MTAP: variants seen among roughly 807,000 people sequenced by gnomAD.
MTAP encodes methylthioadenosine phosphorylase.
MTAP carries 33 observed loss-of-function variants against 33.6 expected under a neutral mutation model. The observed-to-expected ratio is 0.98, with a 90% CI of 0.74 to 1.31. The LOEUF (loss-of-function observed/expected upper bound fraction) is 1.31, where lower values mean the gene tolerates loss of function less well. Ranked by LOEUF, MTAP falls within the 40% of genes most tolerant of loss-of-function variation. The pLI is 0.00. For synonymous variants in MTAP, 148 were observed against 125.7 expected, an observed-to-expected ratio of 1.18 and a Z score of -1.19; for missense variants, 367 against 360.0, an observed-to-expected ratio of 1.02 and a Z score of -0.16.
chr9:21,870,905 G>C (rs747936026), downstream of MTAP, among the ~76,000 whole-genome samples: 1 of 151,330 alleles, frequency 6.6e-6, no homozygotes, highest in African/African-American at 2.4e-5. Context: ...CAAGTAGCTG[G>C]GATTACAGGT....
rs573401290 is a variant in MTAP, at chr9:21,855,699, CCAAAA to C, written c.690+846_690+850del. 8.5e-5 allele frequency among the ~76,000 whole-genome samples: 13 copies of C among 152,130 alleles called. 1 individual carries two copies. The South Asian group carries it at 2.5e-3, about 29-fold the overall frequency. The stretch of plus-strand genomic sequence containing the variant: ...GACACTGGAACAATGAGGTCAGCTT[CCAAAA>C]CAAAACAAAACAAAACTTTAAACAT... On this transcript the variant is annotated intron_variant, in intron 6 of 7. Transcript: ENST00000644715.
intron 4 of MTAP, among the ~76,000 whole-genome samples, chr9:21,824,611 A>G (rs540279708): frequency 4.6e-5 from 7 of 152,332 alleles, no homozygotes; most frequent in Admixed American, 4.6e-4. Flanking sequence ...TGGGAGAACC[A>G]CTACTCTCTT....
chr9:21,832,476 C>G (rs1824992970), intron 4 of MTAP, among the ~76,000 whole-genome samples: 1 of 152,208 alleles, frequency 6.6e-6, no homozygotes, highest in Non-Finnish European at 1.5e-5. Context: ...CTTCTTCTTA[C>G]TCATTTCCCT....
intron 1 of MTAP, chr9:21,803,247 CG>C (rs1321288225): frequency 2.5e-4 from 75 of 299,688 alleles, no homozygotes; most frequent in Non-Finnish European, 2.2e-4. Context: ...CTCCAGCTTC[CG>C]CTCTCTGACT....
At chr9:21,939,735 T>C (rs1819104789), downstream of MTAP, among the ~76,000 whole-genome samples, 1 of 150,214 alleles carries the variant, frequency 6.7e-6, no homozygotes. Flanking sequence ...ATACAAAAAT[T>C]AACTAGGTAT....
chr9:21,830,526 G>A (rs534199656), intron 4 of MTAP, among the ~76,000 whole-genome samples: 20 of 152,292 alleles, frequency 1.3e-4, no homozygotes, highest in African/African-American at 3.8e-4. Flanking sequence ...TCTTTGCAGC[G>A]ATTAAACAGT....
intron 3 of MTAP, 55 bp downstream of exon 3, chr9:21,816,827 C>G (rs1244451121): frequency 4.1e-6 from 6 of 1,462,118 alleles, no homozygotes; most frequent in Non-Finnish European, 5.7e-6. Flanking sequence ...TTAAATTTAA[C>G]TTAAATTCTG....
chr9:21,909,528 G>A (rs1818533891), intron 1 of MTAP, among the ~76,000 whole-genome samples: 1 of 152,068 alleles, frequency 6.6e-6, no homozygotes, highest in African/African-American at 2.4e-5. Flanking sequence ...AAACATGCTT[G>A]ATATGTAGTG....
At chr9:21,840,201 G>A (rs995001373) in intron 5 of MTAP, among the ~76,000 whole-genome samples, 1 of 151,866 alleles carries the variant, frequency 6.6e-6, no homozygotes, top group Non-Finnish European at 1.5e-5. Flanking sequence ...ACTCCAGCCT[G>A]GGTGACAGAG....
chr9:21,904,491 C>G (rs1428050785), intron 1 of MTAP, among the ~76,000 whole-genome samples: 2 of 152,112 alleles, frequency 1.3e-5, no homozygotes, highest in Non-Finnish European at 2.9e-5. Flanking sequence ...ATAGTATCAT[C>G]AAAAACCACT....
chr9:21,924,484 G>A (rs1459048335), intron 1 of MTAP, among the ~76,000 whole-genome samples: 1 of 152,210 alleles, frequency 6.6e-6, no homozygotes, highest in African/African-American at 2.4e-5. Flanking sequence ...TTTGCCACTA[G>A]CAGGGAAAAT....
chr9:21,820,931 G>C (rs527774254), intron 4 of MTAP, among the ~76,000 whole-genome samples: 2 of 152,306 alleles, frequency 1.3e-5, no homozygotes, highest in African/African-American at 4.8e-5. Context: ...CTGTTTGTCT[G>C]TTATTGGTGT....
chr9:21,908,639 A>T (rs558537163), intron 1 of MTAP, among the ~76,000 whole-genome samples: 1 of 152,120 alleles, frequency 6.6e-6, no homozygotes, highest in East Asian at 1.9e-4. Context: ...TAGTGTTATG[A>T]CTTAACACTG....
chr9:21,915,534 T>C (rs1818673822), intron 1 of MTAP, among the ~76,000 whole-genome samples: 1 of 152,182 alleles, frequency 6.6e-6, no homozygotes, highest in Admixed American at 6.5e-5. Context: ...AGTTTTGGCA[T>C]AGGTATATTT....
At chr9:21,826,246 G>A (rs1824796743) in intron 4 of MTAP, among the ~76,000 whole-genome samples, 1 of 150,492 alleles carries the variant, frequency 6.6e-6, no homozygotes, top group Non-Finnish European at 1.5e-5. Context: ...TAGATATCTA[G>A]GAAGTTCTCT....
chr9:21,815,010 G>T (rs1339282937), intron 1 of MTAP, among the ~76,000 whole-genome samples: 1 of 152,134 alleles, frequency 6.6e-6, no homozygotes, highest in Admixed American at 6.5e-5. Flanking sequence ...TTATATCCCA[G>T]CAGTCTTCTG....
At chr9:21,895,721 C>G (rs1031185596) in intron 1 of MTAP, among the ~76,000 whole-genome samples, 2 of 152,228 alleles carry the variant, frequency 1.3e-5, no homozygotes, top group African/African-American at 4.8e-5. Flanking sequence ...GCTAGCACGG[C>G]AGTCTGAGAT....
chr9:21,887,046 A>C (rs1818123319), intron 1 of MTAP, among the ~76,000 whole-genome samples: 1 of 152,114 alleles, frequency 6.6e-6, no homozygotes, highest in Admixed American at 6.6e-5. Context: ...TCATTTTCAC[A>C]ATATTGGTTT....
chr9:21,914,835 T>C (rs1044166883), intron 1 of MTAP, among the ~76,000 whole-genome samples: 89 of 150,268 alleles, frequency 5.9e-4, no homozygotes, highest in Non-Finnish European at 2.5e-4. Context: ...ATAGATAATA[T>C]GGTAAATAAA....
Sources: gnomAD v4.1 joint callset for allele counts (sites outside exome capture counted in the v4.1 genomes callset) on GRCh38, gnomAD v4.1.1 for gene constraint, MANE v1.5 for transcripts, NCBI Gene and HGNC (gene_info 2026-07-23, HGNC 2026-07-21) for gene names.